The following PITPNM3 variants were observed in gnomAD, a reference collection of about 807,000 sequenced individuals.
The protein encoded by PITPNM3 is PITPNM family member 3.
PITPNM3 carries 26 observed loss-of-function variants against 102.0 expected under a neutral mutation model. That is an observed-to-expected ratio of 0.25 (90% CI 0.19 to 0.35). The LOEUF (loss-of-function observed/expected upper bound fraction) is 0.35. Ranked by LOEUF, PITPNM3 falls within the 10% of genes least tolerant of loss-of-function variation. The pLI is 1.00. For synonymous variants in PITPNM3, 578 were observed against 558.6 expected, an observed-to-expected ratio of 1.03 and a Z score of -0.49; for missense variants, 1,083 against 1,346.1, an observed-to-expected ratio of 0.80 and a Z score of 3.06.
intron 1 of PITPNM3, among the ~76,000 whole-genome samples, chr17:6,545,865 A>G (rs935493386): frequency 6.6e-6 from 1 of 152,060 alleles, no homozygotes; most frequent in Non-Finnish European, 1.5e-5. Flanking sequence ...CTGAGCAGAC[A>G]CCTGGTAGGA....
chr17:6,544,654 T>TCTCTCA lies in PITPNM3; in HGVS notation c.23-6573_23-6572insTGAGAG, dbSNP rs376230474. ...CTCTCTCTCTCTCTCTCTCTCTCTC[T>TCTCTCA]CACACACACACACACACACACACAA... On this transcript the variant is annotated intron_variant, in intron 1 of 19. Transcript: ENST00000262483. 5.4e-3 allele frequency among the ~76,000 whole-genome samples: 709 copies of TCTCTCA among 130,242 alleles called. 5 individuals are homozygous for TCTCTCA. Among genetic ancestry groups the TCTCTCA allele is most frequent in the African/African-American group, 0.016 (533 of 32,508 alleles). 85.4% of individuals were successfully genotyped at this position (130,242 alleles called of 152,430 possible).
At chr17:6,485,853 G>T (rs1426228928) in intron 4 of PITPNM3, among the ~76,000 whole-genome samples, 1 of 152,188 alleles carries the variant, frequency 6.6e-6, no homozygotes, top group Non-Finnish European at 1.5e-5. Flanking sequence ...GCCTGTTTTT[G>T]TAAATAAAGT....
At chr17:6,528,469 T>A (rs1249416015) in intron 2 of PITPNM3, among the ~76,000 whole-genome samples, 1 of 152,028 alleles carries the variant, frequency 6.6e-6, no homozygotes, top group East Asian at 1.9e-4. Context: ...CGTGCATGTG[T>A]GTGTGCATGC....
At chr17:6,471,400 C>T in intron 11 of PITPNM3, 45 bp from the exon 12 acceptor site, 1 of 1,475,344 alleles carries the variant, frequency 6.8e-7, no homozygotes, top group East Asian at 2.4e-5. Context: ...GTGTCTCCAG[C>T]AGAGCTGCCC....
At position 6,548,996 on chromosome 17, in the gene PITPNM3, T is replaced by C. The variant is rs979361620; in HGVS notation, c.22+7389A>G. ...GGAACACCTCCTCTCTGGCCTCCCA[T>C]GTCCCAGGTCTTGTAATAAACAGGC... is the stretch of plus-strand genomic sequence containing the variant. On this transcript the variant is annotated intron_variant, in intron 1 of 19. Coordinates refer to ENST00000262483, the MANE Select transcript of PITPNM3 (RefSeq NM_031220.4). 2.0e-5 allele frequency among the ~76,000 whole-genome samples: 3 copies of C among 152,076 alleles called. 1 individual carries two copies. Among genetic ancestry groups the C allele is most frequent in the African/African-American group, 7.2e-5 (3 of 41,386 alleles).
intron 3 of PITPNM3, among the ~76,000 whole-genome samples, chr17:6,513,856 G>A (rs1311905086): frequency 6.6e-6 from 1 of 152,174 alleles, no homozygotes; most frequent in African/African-American, 2.4e-5. Context: ...AAAGCTAGTG[G>A]ACCCCCACTT....
At chr17:6,515,397 CAAAAAAAAAA>C (rs61420968) in intron 3 of PITPNM3, among the ~76,000 whole-genome samples, 3 of 82,222 alleles carry the variant, frequency 3.6e-5, no homozygotes, top group Admixed American at 1.4e-4. Context: ...GACTCCATCT[CAAAAAAAAAA>C]AAAAAAAAAG....
intron 17 of PITPNM3, among the ~76,000 whole-genome samples, chr17:6,462,414 C>G (rs1269802440): frequency 6.6e-6 from 1 of 152,194 alleles, no homozygotes; most frequent in Non-Finnish European, 1.5e-5. Flanking sequence ...CCACCCAGAG[C>G]TGCTTTGCTG....
chr17:6,485,374 T>A (rs1906025456), intron 4 of PITPNM3, among the ~76,000 whole-genome samples: 1 of 151,982 alleles, frequency 6.6e-6, no homozygotes, highest in South Asian at 2.1e-4. Flanking sequence ...CTCAGGCTGG[T>A]CTCAAACTCC....
intron 2 of PITPNM3, among the ~76,000 whole-genome samples, chr17:6,536,274 G>A (rs918285182): frequency 6.6e-6 from 1 of 152,184 alleles, no homozygotes; most frequent in African/African-American, 2.4e-5. Context: ...CGGCAGGTGA[G>A]CAGGGCCCGA....
rs1367199916 is a variant in PITPNM3 at position 6,556,447 on chromosome 17, C to A, written c.-41G>T. ...CTCCGGCGGCGCTACGCGCGCTCCT[C>A]GCGCTTCCCGGGCCCGGCCCCGACC... On this transcript the variant is annotated 5_prime_UTR_variant, in exon 1 of 20. Coordinates refer to ENST00000262483, the MANE Select transcript of PITPNM3 (RefSeq NM_031220.4). This position sits in a 1 kb window ranked among gnomAD's most constrained non-coding sequence, Gnocchi z 5.2. The A allele has an allele frequency of 4.1e-6, 5 of 1,211,216 alleles. No individual in the cohort carries two copies. Among genetic ancestry groups the A allele is most frequent in the East Asian group, 3.8e-5 (1 of 26,348 alleles). 75.0% of individuals were successfully genotyped at this position (1,211,216 alleles called of 1,614,324 possible). A position where few individuals can be genotyped will look rare whatever the true frequency, so the allele number is the denominator to read the frequency against.
At chr17:6,509,837 C>T (rs1162521028) in intron 3 of PITPNM3, among the ~76,000 whole-genome samples, 1 of 152,204 alleles carries the variant, frequency 6.6e-6, no homozygotes, top group Non-Finnish European at 1.5e-5. Context: ...TCTCCGCTCC[C>T]CTGCTTAAAC....
rs960836961 is a variant in PITPNM3, at chr17:6,478,928, G to A, written c.588-192C>T. 2 of 620,498 alleles carry A rather than the reference G, an allele frequency of 3.2e-6. No homozygotes were observed. The highest frequency in any genetic ancestry group is 5.6e-6 in the Non-Finnish European group (2 of 356,708). The allele number at this position is 620,498 out of a possible 1,614,324, so 38.4% of individuals were successfully genotyped here. On this transcript the variant is annotated intron_variant, in intron 6 of 19. Transcript: ENST00000262483. This position sits in a 1 kb window ranked among gnomAD's most constrained non-coding sequence, Gnocchi z 4.4. ...GGGAGGAGAGGGGAAGAGGATTCAAGCCTACACTGACTCCCTGTGTGTCCT... is the reference window on the plus strand; with the variant it reads ...GGGAGGAGAGGGGAAGAGGATTCAAACCTACACTGACTCCCTGTGTGTCCT...
chr17:6,488,053 T>C (rs1009719956), intron 4 of PITPNM3, among the ~76,000 whole-genome samples: 4 of 151,894 alleles, frequency 2.6e-5, no homozygotes, highest in Non-Finnish European at 4.4e-5. Flanking sequence ...CCCTTGAGAG[T>C]TGACTAACAG....
intron 2 of PITPNM3, among the ~76,000 whole-genome samples, chr17:6,536,123 G>A (rs561707741): frequency 3.3e-5 from 5 of 152,020 alleles, no homozygotes; most frequent in Non-Finnish European, 5.9e-5. Flanking sequence ...GAAAACACAG[G>A]GCCACCAACA....
At position 6,458,561 on chromosome 17, in the gene PITPNM3, C is replaced by A. The variant is rs1438429254; in HGVS notation, c.2491-839G>T. Among the ~76,000 whole-genome samples, 1 of 152,192 alleles carries A rather than the reference C, an allele frequency of 6.6e-6. No homozygotes were observed. Among genetic ancestry groups the A allele is most frequent in the Admixed American group, 6.5e-5 (1 of 15,288 alleles). Reference sequence around the variant, plus strand: ...GTCACTTCCAGGACCAAACTCAGAACCTGCCCCTCTAACTGTGAACTTCCA... The same window carrying A: ...GTCACTTCCAGGACCAAACTCAGAAACTGCCCCTCTAACTGTGAACTTCCA... On this transcript the variant is annotated intron_variant, in intron 18 of 19. Transcript: ENST00000262483. This position sits in a 1 kb window ranked among gnomAD's most constrained non-coding sequence, Gnocchi z 5.1.
At chr17:6,460,898 C>A in intron 18 of PITPNM3, 1 of 255,824 alleles carries the variant, frequency 3.9e-6, no homozygotes, top group Non-Finnish European at 7.7e-6. Context: ...AGATAATTTG[C>A]ACTTCTCCCG....
intron 3 of PITPNM3, among the ~76,000 whole-genome samples, chr17:6,523,098 T>A (rs553855705): frequency 6.6e-6 from 1 of 152,196 alleles, no homozygotes; most frequent in African/African-American, 2.4e-5. Flanking sequence ...TTCTTCCCGC[T>A]CCCCATTCTG....
rs995506098 is a variant in PITPNM3, at chr17:6,469,475, C to T, written c.1773+785G>A. 2.0e-5 allele frequency among the ~76,000 whole-genome samples: 3 copies of T among 152,048 alleles called. No homozygotes were observed. The highest frequency in any genetic ancestry group is 3.9e-4 in the East Asian group (2 of 5,166). ...CGCCCCCTGCCCAGCCCTGCTCTTCCGCACGTGCAGGACACAGAACCACCT... is the reference window on the plus strand; with the variant it reads ...CGCCCCCTGCCCAGCCCTGCTCTTCTGCACGTGCAGGACACAGAACCACCT... On this transcript the variant is annotated intron_variant, in intron 13 of 19. Coordinates refer to ENST00000262483, the MANE Select transcript of PITPNM3 (RefSeq NM_031220.4). The surrounding 1 kb of genome is among the most constrained non-coding windows in gnomAD (Gnocchi z 4.0).
Sources: gnomAD v4.1 joint callset for allele counts (sites outside exome capture counted in the v4.1 genomes callset) on GRCh38, gnomAD v4.1.1 for gene constraint, Gnocchi (gnomAD v3.1) non-coding constraint, MANE v1.5 for transcripts, NCBI Gene and HGNC (gene_info 2026-07-23, HGNC 2026-07-21) for gene names.